LONRF1: variants seen among roughly 807,000 people sequenced by gnomAD.
LONRF1 encodes the protein LON peptidase N-terminal domain and RING finger protein 1.
In LONRF1, 37 loss-of-function variants were observed where a neutral mutation model predicts 85.8. That is an observed-to-expected ratio of 0.43 (90% CI 0.33 to 0.57). The LOEUF (loss-of-function observed/expected upper bound fraction) is 0.57, where lower values mean the gene tolerates loss of function less well. Among genes scored for constraint, LONRF1 ranks in the 20% least tolerant of loss-of-function variants. LONRF1 has a pLI of 0.04. For missense variants in LONRF1, 1,036 were observed against 978.0 expected (o/e 1.06, Z -0.79); for synonymous variants, 517 against 390.1 (o/e 1.33, Z -3.83).
chr8:12,727,765 C>T (rs1798376226), intron 10 of LONRF1, among the ~76,000 whole-genome samples: 1 of 152,130 alleles, frequency 6.6e-6, no homozygotes, highest in Non-Finnish European at 1.5e-5. Context: ...TTCTATCAAT[C>T]AACTCAAAAT....
At chr8:12,724,161 C>G (rs1031231722) in intron 11 of LONRF1, among the ~76,000 whole-genome samples, 7 of 152,156 alleles carry the variant, frequency 4.6e-5, no homozygotes, top group African/African-American at 1.7e-4. Flanking sequence ...ACAGACATTA[C>G]AAACTGTCTT....
At chr8:12,738,874 C>A (rs1165352135) in intron 3 of LONRF1, 1 of 152,074 alleles carries the variant, frequency 6.6e-6, no homozygotes, top group African/African-American at 2.4e-5. Flanking sequence ...ATAGGTATAG[C>A]ACATATTAAA....
chr8:12,735,451 A>G (rs1164144017), intron 6 of LONRF1, 51 bp from the exon 7 acceptor site: 1 of 1,156,128 alleles, frequency 8.6e-7, no homozygotes, highest in Admixed American at 1.9e-5. Context: ...TATCCACTGA[A>G]AAGCTTGTAC....
chr8:12,723,300 T>C, intron 11 of LONRF1, 46 bp from the exon 12 acceptor site: 1 of 1,549,092 alleles, frequency 6.5e-7, no homozygotes, highest in Non-Finnish European at 8.7e-7. Flanking sequence ...CAAGGATTTA[T>C]GTAACAACAG....
intron 4 of LONRF1, among the ~76,000 whole-genome samples, chr8:12,737,724 C>A (rs951351736): frequency 2.6e-5 from 4 of 152,004 alleles, no homozygotes; most frequent in Admixed American, 6.6e-5. Context: ...GCTGTTACTA[C>A]CCTGAGGAAA....
intron 3 of LONRF1, among the ~76,000 whole-genome samples, 157 bp downstream of exon 3, chr8:12,740,717 G>A (rs541287142): frequency 9.2e-5 from 14 of 152,166 alleles, no homozygotes; most frequent in African/African-American, 1.7e-4. Context: ...AATATAATAC[G>A]TACATGAACC....
At chr8:12,753,096 G>C (rs1360833454) in intron 1 of LONRF1, 4 of 152,244 alleles carry the variant, frequency 2.6e-5, no homozygotes, top group South Asian at 2.1e-4. Context: ...CAGAGAAGCA[G>C]AGTCATGTGT....
chr8:12,743,728 G>A (rs573074135), intron 1 of LONRF1, among the ~76,000 whole-genome samples: 50 of 152,104 alleles, frequency 3.3e-4, no homozygotes, highest in African/African-American at 1.0e-3. Flanking sequence ...GAATTCCCAC[G>A]GTGACAAGGG....
chr8:12,740,722 T>G (rs886956561), intron 3 of LONRF1, 152 bp downstream of exon 3: 1 of 938,602 alleles, frequency 1.1e-6, no homozygotes, highest in African/African-American at 1.7e-5. Context: ...AATACGTACA[T>G]GAACCTGAAA....
At chr8:12,752,289 G>A (rs929227298) in intron 1 of LONRF1, among the ~76,000 whole-genome samples, 12 of 152,184 alleles carry the variant, frequency 7.9e-5, no homozygotes, top group African/African-American at 2.7e-4. Flanking sequence ...TGTACAAACA[G>A]CTTATGACTG....
rs750981528 is a variant in LONRF1 at position 12,723,258 on chromosome 8, A to G, written c.2164-4T>C. ...ATGCAGGTCCATTAGGGGCTGCCTAAAAACAATGGACAGTTTATAGCATTA... is the reference window on the plus strand; with the variant it reads ...ATGCAGGTCCATTAGGGGCTGCCTAGAAACAATGGACAGTTTATAGCATTA... On this transcript the variant is annotated splice_polypyrimidine_tract_variant and splice_region_variant and intron_variant, in intron 11 of 11. Coordinates refer to ENST00000398246, the MANE Select transcript of LONRF1 (RefSeq NM_152271.5). 143 of 1,603,956 alleles carry G rather than the reference A, an allele frequency of 8.9e-5. No individual in the cohort carries two copies. In the East Asian group the frequency reaches 3.1e-3, roughly 34 times the overall value.
At chr8:12,725,210 T>C (rs919535830) in intron 11 of LONRF1, among the ~76,000 whole-genome samples, 1 of 152,160 alleles carries the variant, frequency 6.6e-6, no homozygotes, top group African/African-American at 2.4e-5. Flanking sequence ...ACTAAAAGAA[T>C]AATAGTTTCA....
chr8:12,753,708 G>A (rs959662949), intron 1 of LONRF1: 2 of 152,234 alleles, frequency 1.3e-5, no homozygotes, highest in African/African-American at 2.4e-5. Flanking sequence ...TTACGTAAGA[G>A]AAGCTTGAAA....
In LONRF1 at chr8:12,755,149, T is replaced by A; in HGVS notation, c.272A>T (p.Asp91Val). 1 of 1,431,176 alleles carries A rather than the reference T, an allele frequency of 7.0e-7. No homozygotes were observed. The highest frequency in any genetic ancestry group is 1.4e-5 in the South Asian group (1 of 71,610). The allele number at this position is 1,431,176 out of a possible 1,614,324, so 88.7% of individuals were successfully genotyped here. A position where few individuals can be genotyped will look rare whatever the true frequency, so the allele number is the denominator to read the frequency against. ...GAGCCGGTAGTTGAACACCAGGCAG[T>A]CCACCAGGGCGCCCAGGCACTCGGG... ...ARPECLGALV[D>V]CLVFNYRLRH... The change falls in exon 1 of 12, where the codon GAC becomes GTC. Residue 91 changes from aspartate to valine, a missense_variant. Physicochemically the swap from Asp to Val is radical, Grantham distance 152. Coordinates refer to ENST00000398246, the MANE Select transcript of LONRF1 (RefSeq NM_152271.5).
intron 3 of LONRF1, among the ~76,000 whole-genome samples, 181 bp downstream of exon 3, chr8:12,740,693 T>C (rs1349005136): frequency 6.6e-6 from 1 of 152,178 alleles, no homozygotes; most frequent in Non-Finnish European, 1.5e-5. Flanking sequence ...ATGTTTCGAT[T>C]TCACTAAGAA....
In LONRF1 at chr8:12,736,737, A is replaced by T; in HGVS notation, c.1415T>A (p.Ile472Asn). ...LAYGDIPEEL[I>N]DVSDFECSLC... The stretch of plus-strand genomic sequence containing the variant: ...AGAACACTCGAAATCTGAGACATCG[A>T]TTAATTCTTCTGGAATATCACCATA... The change falls in exon 6 of 12, where the codon ATC (isoleucine) becomes AAC (asparagine). Residue 472 changes from isoleucine (I) to asparagine (N), a missense_variant. Physicochemically the swap from Ile to Asn is moderately radical, Grantham distance 149. Transcript: ENST00000398246. 1 of 1,611,710 alleles carries T rather than the reference A, an allele frequency of 6.2e-7. No homozygotes were observed.
chr8:12,743,924 A>G (rs771926609), intron 1 of LONRF1, among the ~76,000 whole-genome samples: 3 of 152,158 alleles, frequency 2.0e-5, no homozygotes, highest in Non-Finnish European at 4.4e-5. Flanking sequence ...GATTCATTTC[A>G]CTATCATCCA....
intron 3 of LONRF1, chr8:12,738,570 TAACTACAA>T (rs1798810652): frequency 6.6e-6 from 1 of 152,502 alleles, no homozygotes; most frequent in African/African-American, 2.4e-5. Context: ...CTTGGACTTC[TAACTACAA>T]AACTACAAAA....
intron 3 of LONRF1, among the ~76,000 whole-genome samples, chr8:12,738,465 C>T (rs574018146): frequency 2.0e-5 from 3 of 152,306 alleles, no homozygotes; most frequent in East Asian, 3.9e-4. Flanking sequence ...ATATTTATCT[C>T]TGAATCTTAG....
Sources: gnomAD v4.1 joint callset for allele counts (sites outside exome capture counted in the v4.1 genomes callset) on GRCh38, gnomAD v4.1.1 for gene constraint, MANE v1.5 for transcripts, NCBI Gene and HGNC (gene_info 2026-07-23, HGNC 2026-07-21) for gene names.